The following RAD21L1 variants were observed in gnomAD, a reference collection of about 807,000 sequenced individuals.
The protein encoded by RAD21L1 is RAD21 cohesin complex component like 1.
A neutral mutation model predicts 69.0 loss-of-function variants in RAD21L1; 47 were observed. That is an observed-to-expected ratio of 0.68 (90% CI 0.54 to 0.87). The LOEUF (loss-of-function observed/expected upper bound fraction) is 0.87, where lower values mean the gene tolerates loss of function less well. Among genes scored for constraint, RAD21L1 ranks in the 40% least tolerant of loss-of-function variants. The pLI is 0.00. For missense variants in RAD21L1, 583 were observed against 647.6 expected (o/e 0.90, Z 1.08); for synonymous variants, 177 against 205.8 (o/e 0.86, Z 1.20).
At chr20:1,244,339 G>C (rs1456051238) in intron 11 of RAD21L1, among the ~76,000 whole-genome samples, 169 bp downstream of exon 11, 2 of 152,154 alleles carry the variant, frequency 1.3e-5, no homozygotes, top group African/African-American at 4.8e-5. Context: ...TTCTTCTGCA[G>C]AATTTTTCTA....
At position 1,255,059 on chromosome 20, in the gene RAD21L1, T is replaced by C. The variant is rs1012227076; in HGVS notation, c.*602T>C. ...ATTTGGTTGCAACGTATATCATACTTGATTTGACATAATGCCATGGTTTTT... is the reference window on the plus strand; with the variant it reads ...ATTTGGTTGCAACGTATATCATACTCGATTTGACATAATGCCATGGTTTTT... On this transcript the variant is annotated 3_prime_UTR_variant, in exon 14 of 14. Coordinates refer to ENST00000683101, the MANE Select transcript of RAD21L1 (RefSeq NM_001384355.1). 3.9e-5 allele frequency among the ~76,000 whole-genome samples: 6 copies of C among 152,246 alleles called. No individual in the cohort carries two copies. The highest frequency in any genetic ancestry group is 7.3e-5 in the Non-Finnish European group (5 of 68,032).
chr20:1,243,140 G>A lies in RAD21L1; in HGVS notation c.1127G>A (p.Arg376Lys). Residue 376 changes from arginine (R) to lysine (K), a missense_variant, in exon 10 of 14, where the codon AGA (arginine) becomes AAA (lysine). Coordinates refer to ENST00000683101, the MANE Select transcript of RAD21L1 (RefSeq NM_001384355.1). ...CTGTCCTCTGGCTTTAAACTTGGAA[G>A]AAAAATGATACAGAAGGAGTCAGTA... The part of the protein sequence containing the change: ...CFLSSGFKLG[R>K]KMIQKESVRE... 3 of 1,539,964 alleles carry A rather than the reference G, an allele frequency of 1.9e-6. No homozygotes were observed. The highest frequency in any genetic ancestry group is 2.6e-6 in the Non-Finnish European group (3 of 1,142,346).
chr20:1,243,199 G>T lies in RAD21L1; in HGVS notation c.1183+3G>T. The T allele has an allele frequency of 7.2e-7, 1 of 1,389,150 alleles. No homozygotes were observed. The highest frequency in any genetic ancestry group is 1.4e-5 in the South Asian group (1 of 74,048). 86.1% of individuals were successfully genotyped at this position (1,389,150 alleles called of 1,614,324 possible). ...AGTGGGAAACCAAAATATAGTAGGTGAGACTTCTTAATTCTGTTGATGTTG... is the reference window on the plus strand; with the variant it reads ...AGTGGGAAACCAAAATATAGTAGGTTAGACTTCTTAATTCTGTTGATGTTG... On this transcript the variant is annotated splice_donor_region_variant and intron_variant, in intron 10 of 13. Transcript: ENST00000683101.
At chr20:1,233,434 C>A (rs1321565863) in intron 4 of RAD21L1, among the ~76,000 whole-genome samples, 1 of 152,110 alleles carries the variant, frequency 6.6e-6, no homozygotes, top group Non-Finnish European at 1.5e-5. Context: ...AATAGTGATA[C>A]CTCAGAGGCC....
At chr20:1,253,271 T>C (rs2087871645) in intron 13 of RAD21L1, among the ~76,000 whole-genome samples, 1 of 152,192 alleles carries the variant, frequency 6.6e-6, no homozygotes, top group African/African-American at 2.4e-5. Context: ...CATAGGGACA[T>C]TGGCCAGTAT....
Position 1,231,598 on chromosome 20 carries a change from AT to A in RAD21L1, c.351del (p.Phe117LeufsTer6). ...NAITLPEEFH[D>X]FDTQNMNAID... The stretch of plus-strand genomic sequence containing the variant: ...ATCACATTGCCAGAAGAATTTCATG[AT>A]TTTGACACCCAAAATATGAAGTAAA... On this transcript the variant is annotated frameshift_variant, in exon 4 of 14. Transcript: ENST00000683101. LOFTEE classifies it high-confidence loss of function. 4 of 1,495,260 alleles carry A rather than the reference AT, an allele frequency of 2.7e-6. No individual in the cohort carries two copies. Among genetic ancestry groups the A allele is most frequent in the South Asian group, 1.2e-5 (1 of 80,390 alleles). The allele number at this position is 1,495,260 out of a possible 1,614,324, so 92.6% of individuals were successfully genotyped here.
intron 8 of RAD21L1, among the ~76,000 whole-genome samples, chr20:1,240,638 T>C (rs1241313622): frequency 1.3e-5 from 2 of 152,152 alleles, no homozygotes; most frequent in African/African-American, 4.8e-5. Flanking sequence ...GAATTGGGGG[T>C]TGGACACCGG....
intron 8 of RAD21L1, among the ~76,000 whole-genome samples, chr20:1,241,966 T>A (rs978812121): frequency 1.3e-5 from 2 of 152,164 alleles, no homozygotes; most frequent in Non-Finnish European, 2.9e-5. Context: ...TGAATTTCAG[T>A]GGGAGAGGGA....
chr20:1,241,806 G>C (rs1365676089), intron 8 of RAD21L1, among the ~76,000 whole-genome samples: 1 of 152,092 alleles, frequency 6.6e-6, no homozygotes, highest in African/African-American at 2.4e-5. Flanking sequence ...GGCTCCATTT[G>C]ATCTTGGATC....
intron 2 of RAD21L1, among the ~76,000 whole-genome samples, chr20:1,229,532 TA>T (rs935531418): frequency 6.6e-6 from 1 of 152,062 alleles, no homozygotes; most frequent in African/African-American, 2.4e-5. Flanking sequence ...ACAATAATAA[TA>T]AAAAAATAAG....
intron 5 of RAD21L1, among the ~76,000 whole-genome samples, chr20:1,234,754 T>A (rs1296469196): frequency 6.6e-6 from 1 of 151,966 alleles, no homozygotes; most frequent in Admixed American, 6.6e-5. Flanking sequence ...ACTTTATTTT[T>A]AAATTTTTTT....
chr20:1,237,986 T>C, intron 5 of RAD21L1, 58 bp from the exon 6 acceptor site: 2 of 955,762 alleles, frequency 2.1e-6, no homozygotes, highest in Non-Finnish European at 3.0e-6. Flanking sequence ...TGAATTTCCT[T>C]CTAACCCTAT....
In RAD21L1 at chr20:1,243,104, C is replaced by A; in HGVS notation, c.1091C>A (p.Thr364Lys). 6.6e-7 allele frequency: 1 copy of A among 1,518,904 alleles called. No homozygotes were observed. The highest frequency in any genetic ancestry group is 2.3e-5 in the Admixed American group (1 of 42,882). 94.1% of individuals were successfully genotyped at this position (1,518,904 alleles called of 1,614,324 possible). ...LIHAELKMLF[T>K]KCFLSSGFKL... ...AAATGTGTATTTTTACAGTTGTTTA[C>A]AAAATGCTTTCTGTCCTCTGGCTTT... Residue 364 changes from threonine to lysine, a missense_variant, in exon 10 of 14, where the codon ACA (threonine) becomes AAA (lysine). Transcript: ENST00000683101.
In RAD21L1 at chr20:1,231,521, T is replaced by C. The variant is rs1169454939; in HGVS notation, c.275-5T>C. The C allele has an allele frequency of 3.4e-6, 5 of 1,467,068 alleles. No homozygotes were observed. Among genetic ancestry groups the C allele is most frequent in the Non-Finnish European group, 4.7e-6 (5 of 1,074,116 alleles). 90.9% of individuals were successfully genotyped at this position (1,467,068 alleles called of 1,614,324 possible). ...TTATTGAGTATGGTTTTTGATCCTT[T>C]TCAGGACTGGTTGACCTTCCAAAAG... is the stretch of plus-strand genomic sequence containing the variant. On this transcript the variant is annotated splice_polypyrimidine_tract_variant and splice_region_variant and intron_variant, in intron 3 of 13. Transcript: ENST00000683101.
chr20:1,231,588 G>A lies in RAD21L1; in HGVS notation c.337G>A (p.Glu113Lys). The A allele has an allele frequency of 6.5e-7, 1 of 1,530,826 alleles. No homozygotes were observed. Among genetic ancestry groups the A allele is most frequent in the Non-Finnish European group, 8.8e-7 (1 of 1,131,692 alleles). The allele number at this position is 1,530,826 out of a possible 1,614,324, so 94.8% of individuals were successfully genotyped here. Reference sequence around the variant, plus strand: ...TTACAATGCTATCACATTGCCAGAAGAATTTCATGATTTTGACACCCAAAA... The same window carrying A: ...TTACAATGCTATCACATTGCCAGAAAAATTTCATGATTTTGACACCCAAAA... ...ASYNAITLPE[E>K]FHDFDTQNMN... Residue 113 changes from glutamate to lysine, a missense_variant, in exon 4 of 14, where the codon GAA (glutamate) becomes AAA (lysine). Transcript: ENST00000683101.
At chr20:1,250,326 C>T (rs1009104509) in intron 13 of RAD21L1, among the ~76,000 whole-genome samples, 1 of 151,178 alleles carries the variant, frequency 6.6e-6, no homozygotes, top group Non-Finnish European at 1.5e-5. Context: ...CATATGTATA[C>T]ATGTGCCATG....
chr20:1,237,610 G>A lies in RAD21L1; in HGVS notation c.476-434G>A, dbSNP rs182408833. Reference sequence around the variant, plus strand: ...GCCCATTCTTTAATATTTTACCTACGTTTCCATTTCCTGAGATGACTAACA... The same window carrying A: ...GCCCATTCTTTAATATTTTACCTACATTTCCATTTCCTGAGATGACTAACA... On this transcript the variant is annotated intron_variant, in intron 5 of 13. Transcript: ENST00000683101. Among the ~76,000 whole-genome samples the A allele has an allele frequency of 4.0e-4, 60 of 149,024 alleles. No individual in the cohort carries two copies. In the South Asian group the frequency reaches 5.3e-3, roughly 13 times the overall value.
chr20:1,251,352 A>C (rs2087827816), intron 13 of RAD21L1, among the ~76,000 whole-genome samples: 1 of 140,140 alleles, frequency 7.1e-6, no homozygotes, highest in African/African-American at 2.7e-5. Flanking sequence ...GCACTCTGGA[A>C]TTTCATGATG....
chr20:1,250,036 T>A (rs1175614702), intron 13 of RAD21L1, among the ~76,000 whole-genome samples: 1 of 128,656 alleles, frequency 7.8e-6, no homozygotes, highest in Non-Finnish European at 1.6e-5. Context: ...CCCCGGTGTG[T>A]GTTGTTCGCC....
Sources: gnomAD v4.1 joint callset for allele counts (sites outside exome capture counted in the v4.1 genomes callset) on GRCh38, gnomAD v4.1.1 for gene constraint, MANE v1.5 for transcripts, NCBI Gene and HGNC (gene_info 2026-07-23, HGNC 2026-07-21) for gene names.